The following ARL13B variants were observed in gnomAD, a reference collection of about 807,000 sequenced individuals.
ARL13B encodes the protein ADP-ribosylation factor-like protein 13B.
Under a neutral mutation model 56.1 loss-of-function variants are expected in ARL13B, and 36 were observed. The ratio of observed to expected loss-of-function variants is 0.64; its 90% CI spans 0.49 to 0.85. ARL13B has a LOEUF of 0.85. Among genes scored for constraint, ARL13B ranks in the 40% least tolerant of loss-of-function variants. The pLI, the probability that ARL13B is intolerant of heterozygous loss-of-function variation, is 0.00. For missense variants in ARL13B, 519 were observed against 507.1 expected (o/e 1.02, Z -0.23); for synonymous variants, 178 against 171.1 (o/e 1.04, Z -0.32).
intron 3 of ARL13B, chr3:94,014,660 T>C (rs748935624): frequency 6.2e-7 from 1 of 1,613,664 alleles, no homozygotes; most frequent in Admixed American, 1.7e-5. Flanking sequence ...GCTTTAGTGA[T>C]ATTGATTTCT....
chr3:94,001,849 A>G (rs1180252712), intron 2 of ARL13B, among the ~76,000 whole-genome samples: 2 of 152,160 alleles, frequency 1.3e-5, no homozygotes, highest in African/African-American at 2.4e-5. Flanking sequence ...TATCCACACA[A>G]ACTACTTCTG....
At chr3:94,012,392 A>G (rs578180923) in intron 3 of ARL13B, among the ~76,000 whole-genome samples, 3 of 152,240 alleles carry the variant, frequency 2.0e-5, no homozygotes, top group East Asian at 1.9e-4. Context: ...GACTTTTCCC[A>G]TGTCAGGAAA....
rs1405776717 is a variant in ARL13B at position 94,043,241 on chromosome 3, G to A, written c.1024+1G>A. On this transcript the variant is annotated splice_donor_variant, in intron 7 of 9. Coordinates refer to ENST00000394222, the MANE Select transcript of ARL13B (RefSeq NM_001174150.2). LOFTEE classifies it high-confidence loss of function. ...ACAGACCGGCCATCATTGGAATCAG[G>A]TAATAAATCTAGTTATTTAAAGTAA... 5 of 1,609,694 alleles carry A rather than the reference G, an allele frequency of 3.1e-6. No homozygotes were observed. The highest frequency in any genetic ancestry group is 4.2e-6 in the Non-Finnish European group (5 of 1,177,056).
At chr3:94,051,272 A>C (rs980802496) in intron 9 of ARL13B, among the ~76,000 whole-genome samples, 3 of 152,124 alleles carry the variant, frequency 2.0e-5, no homozygotes, top group African/African-American at 7.2e-5. Flanking sequence ...CAATATACTC[A>C]ATGATAATGG....
intron 3 of ARL13B, among the ~76,000 whole-genome samples, chr3:94,011,812 G>C (rs1031685032): frequency 6.6e-6 from 1 of 151,942 alleles, no homozygotes; most frequent in African/African-American, 2.4e-5. Flanking sequence ...ACTTTTTATA[G>C]TACCTTATTC....
At chr3:94,051,467 G>A (rs528945366) in intron 9 of ARL13B, among the ~76,000 whole-genome samples, 2 of 152,178 alleles carry the variant, frequency 1.3e-5, no homozygotes, top group African/African-American at 2.4e-5. Flanking sequence ...TATAACATAC[G>A]CTATAGTCTA....
intron 2 of ARL13B, among the ~76,000 whole-genome samples, chr3:93,998,643 A>C (rs2076004710): frequency 6.6e-6 from 1 of 152,146 alleles, no homozygotes; most frequent in South Asian, 2.1e-4. Flanking sequence ...CTCCTCTTTT[A>C]TAAAGTCCTT....
At chr3:94,041,557 A>G (rs936125055) in intron 6 of ARL13B, among the ~76,000 whole-genome samples, 3 of 152,196 alleles carry the variant, frequency 2.0e-5, no homozygotes, top group African/African-American at 7.2e-5. Context: ...TAGATCTTAT[A>G]CTACCCAATT....
intron 3 of ARL13B, chr3:94,015,217 G>C: frequency 6.3e-7 from 1 of 1,596,122 alleles, no homozygotes; most frequent in Non-Finnish European, 8.5e-7. Context: ...ACTGTCTCTA[G>C]AGAGTTCAAT....
At position 94,039,809 on chromosome 3, in the gene ARL13B, A is replaced by G; in HGVS notation, c.690-71A>G. ...TACTACATGTAATAGCCTTATACCTATTGCAGTTTTCTTTAACATGGTTCA... is the reference window on the plus strand; with the variant it reads ...TACTACATGTAATAGCCTTATACCTGTTGCAGTTTTCTTTAACATGGTTCA... On this transcript the variant is annotated intron_variant, in intron 5 of 9. Transcript: ENST00000394222. 2.4e-6 allele frequency: 3 copies of G among 1,252,670 alleles called. No homozygotes were observed. In the Admixed American group the frequency reaches 5.7e-5, roughly 24 times the overall value. 77.6% of individuals were successfully genotyped at this position (1,252,670 alleles called of 1,614,324 possible). A position where few individuals can be genotyped will look rare whatever the true frequency, so the allele number is the denominator to read the frequency against.
chr3:94,008,576 A>C (rs933495715), intron 3 of ARL13B, among the ~76,000 whole-genome samples: 1 of 152,172 alleles, frequency 6.6e-6, no homozygotes, highest in East Asian at 1.9e-4. Context: ...TAAACAGCTT[A>C]ATCTGTTGAA....
chr3:94,040,881 T>C lies in ARL13B; in HGVS notation c.798+893T>C, dbSNP rs150885910. Among the ~76,000 whole-genome samples the C allele has an allele frequency of 6.1e-3, 924 of 152,276 alleles. 9 individuals are homozygous for C. The highest frequency in any genetic ancestry group is 0.021 in the African/African-American group (889 of 41,552). ...TTTATAGTACCATGGGTATAAATTG[T>C]GTAGAAGGCTCTAGTGCTTCTCCCA... is the stretch of plus-strand genomic sequence containing the variant. On this transcript the variant is annotated intron_variant, in intron 6 of 9. Coordinates refer to ENST00000394222, the MANE Select transcript of ARL13B (RefSeq NM_001174150.2).
At chr3:94,032,117 A>G (rs985026165) in intron 3 of ARL13B, among the ~76,000 whole-genome samples, 2 of 152,252 alleles carry the variant, frequency 1.3e-5, no homozygotes, top group African/African-American at 4.8e-5. Flanking sequence ...GAAGTAATCA[A>G]TGGAGCAAAC....
At chr3:94,042,143 A>G (rs1221505057) in intron 6 of ARL13B, among the ~76,000 whole-genome samples, 1 of 152,218 alleles carries the variant, frequency 6.6e-6, no homozygotes, top group African/African-American at 2.4e-5. Context: ...AAATAACACT[A>G]AGTTAAATAA....
rs1175180199 is a variant in ARL13B at position 94,053,872 on chromosome 3, G to A, written c.*609G>A. 1 of 309,588 alleles carries A rather than the reference G, an allele frequency of 3.2e-6. No homozygotes were observed. Among genetic ancestry groups the A allele is most frequent in the Non-Finnish European group, 6.3e-6 (1 of 158,724 alleles). 19.2% of individuals were successfully genotyped at this position (309,588 alleles called of 1,614,324 possible). ...ATTTATATGGCTTGAGGTATGTTTT[G>A]TAATAGCGTTGTTCTTTAAGTGTAC... On this transcript the variant is annotated 3_prime_UTR_variant, in exon 10 of 10. Coordinates refer to ENST00000394222, the MANE Select transcript of ARL13B (RefSeq NM_001174150.2).
intron 3 of ARL13B, among the ~76,000 whole-genome samples, chr3:94,013,412 G>A (rs941309878): frequency 1.3e-5 from 2 of 152,134 alleles, no homozygotes; most frequent in East Asian, 1.9e-4. Flanking sequence ...GTATAGTATA[G>A]CATTATCTTA....
At chr3:94,041,910 A>G (rs575269919) in intron 6 of ARL13B, among the ~76,000 whole-genome samples, 1 of 152,254 alleles carries the variant, frequency 6.6e-6, no homozygotes, top group South Asian at 2.1e-4. Context: ...AATACAAAAA[A>G]TTAGCCAGGC....
intron 3 of ARL13B, among the ~76,000 whole-genome samples, chr3:94,022,417 C>T (rs1437499232): frequency 6.6e-6 from 1 of 152,120 alleles, no homozygotes; most frequent in Non-Finnish European, 1.5e-5. Flanking sequence ...TGAGCCACCG[C>T]ACCCGGCTGC....
At chr3:94,026,404 T>A (rs2076559009) in intron 3 of ARL13B, among the ~76,000 whole-genome samples, 1 of 152,204 alleles carries the variant, frequency 6.6e-6, no homozygotes, top group Non-Finnish European at 1.5e-5. Flanking sequence ...ATTAACATAA[T>A]TGAGAATGTT....
Sources: gnomAD v4.1 joint callset for allele counts (sites outside exome capture counted in the v4.1 genomes callset) on GRCh38, gnomAD v4.1.1 for gene constraint, MANE v1.5 for transcripts, NCBI Gene and HGNC (gene_info 2026-07-23, HGNC 2026-07-21) for gene names.